Variants in MRTFA observed in about 807,000 individuals in gnomAD.
MRTFA encodes the protein myocardin related transcription factor A, also known as myocardin-related transcription factor A.
MRTFA carries 20 observed loss-of-function variants against 83.5 expected under a neutral mutation model. That is an observed-to-expected ratio of 0.24 (90% CI 0.17 to 0.35). The LOEUF (loss-of-function observed/expected upper bound fraction) is 0.35, where lower values mean the gene tolerates loss of function less well. Among genes scored for constraint, MRTFA ranks in the 10% least tolerant of loss-of-function variants. The pLI is 1.00. For missense variants in MRTFA, 1,200 were observed against 1,224.7 expected, an observed-to-expected ratio of 0.98 and a Z score of 0.30; for synonymous variants, 659 against 541.2, an observed-to-expected ratio of 1.22 and a Z score of -3.02.
intron 1 of MRTFA, among the ~76,000 whole-genome samples, chr22:40,619,383 C>G (rs2056492176): frequency 6.6e-6 from 1 of 152,128 alleles, no homozygotes; most frequent in Non-Finnish European, 1.5e-5. Context: ...AAATGAGGAA[C>G]ACGTTATTGG....
At chr22:40,500,674 G>A (rs1448773353) in intron 3 of MRTFA, among the ~76,000 whole-genome samples, 1 of 150,826 alleles carries the variant, frequency 6.6e-6, no homozygotes, top group South Asian at 2.1e-4. Context: ...ACCCTGAGTG[G>A]ACACAGCACA....
At chr22:40,635,242 C>G (rs2056682353) in intron 1 of MRTFA, among the ~76,000 whole-genome samples, 1 of 152,164 alleles carries the variant, frequency 6.6e-6, no homozygotes, top group African/African-American at 2.4e-5. Flanking sequence ...ACCTCACCCC[C>G]GGGAGATGAC....
intron 3 of MRTFA, among the ~76,000 whole-genome samples, chr22:40,494,135 T>C (rs911073331): frequency 6.6e-6 from 1 of 152,228 alleles, no homozygotes; most frequent in Non-Finnish European, 1.5e-5. Flanking sequence ...ACTACCAAAT[T>C]ATATTAAAGA....
chr22:40,466,880 T>G (rs1364629042), intron 3 of MRTFA, among the ~76,000 whole-genome samples: 2 of 152,172 alleles, frequency 1.3e-5, no homozygotes, highest in Non-Finnish European at 2.9e-5. Flanking sequence ...TTAATAAATT[T>G]GATTCAAGTT....
intron 14 of MRTFA, among the ~76,000 whole-genome samples, chr22:40,413,906 T>A (rs1457299018): frequency 6.6e-6 from 1 of 152,210 alleles, no homozygotes; most frequent in Admixed American, 6.5e-5. Context: ...TAGGATGGCT[T>A]GTATCAAAAA....
chr22:40,494,696 T>G (rs1007187807), intron 3 of MRTFA, among the ~76,000 whole-genome samples: 3 of 146,552 alleles, frequency 2.0e-5, no homozygotes, highest in Admixed American at 1.4e-4. Flanking sequence ...AAAAAAAAAA[T>G]TATGGTACAC....
At chr22:40,501,722 A>G (rs1390833722) in intron 3 of MRTFA, among the ~76,000 whole-genome samples, 1 of 38,338 alleles carries the variant, frequency 2.6e-5, no homozygotes, top group Non-Finnish European at 5.0e-5. Flanking sequence ...CTGGCCGGGC[A>G]GAGGGGCTCC....
At chr22:40,618,146 C>G (rs2056476953) in intron 1 of MRTFA, among the ~76,000 whole-genome samples, 1 of 151,556 alleles carries the variant, frequency 6.6e-6, no homozygotes, top group Admixed American at 6.6e-5. Context: ...ACAATCTCGG[C>G]TCACTGCAAG....
Position 40,420,974 on chromosome 22 carries a change from C to T in MRTFA, c.1054G>A (p.Ala352Thr), listed in dbSNP as rs774181016. 15 of 1,610,226 alleles carry T rather than the reference C, an allele frequency of 9.3e-6. No homozygotes were observed. In the Admixed American group the frequency reaches 2.3e-4, roughly 25 times the overall value. Residue 352 changes from alanine (A) to threonine (T), a missense_variant, in exon 10 of 15, where the codon GCA becomes ACA. Coordinates refer to ENST00000355630, the MANE Select transcript of MRTFA (RefSeq NM_020831.6). Reference sequence around the variant, plus strand: ...GCGTAGGATGAGTCCATGGGGGGTGCCCCCCTGTCCTGCTTCTGGTCCGGG... The same window carrying T: ...GCGTAGGATGAGTCCATGGGGGGTGTCCCCCTGTCCTGCTTCTGGTCCGGG...
chr22:40,422,567 G>A (rs1247836267), intron 9 of MRTFA, among the ~76,000 whole-genome samples: 1 of 152,226 alleles, frequency 6.6e-6, no homozygotes, highest in African/African-American at 2.4e-5. Context: ...GCCACTCACT[G>A]CTCCCAAGGC....
chr22:40,542,240 C>G (rs1365243269), intron 3 of MRTFA, among the ~76,000 whole-genome samples: 3 of 152,140 alleles, frequency 2.0e-5, no homozygotes, highest in Non-Finnish European at 4.4e-5. Context: ...CACGCTATTA[C>G]TTCTTTCATT....
intron 4 of MRTFA, among the ~76,000 whole-genome samples, chr22:40,457,512 GAAAA>G (rs2053617979): frequency 6.6e-6 from 1 of 151,490 alleles, no homozygotes; most frequent in Admixed American, 6.6e-5. Flanking sequence ...GAGAAAGAAA[GAAAA>G]AGAGAGAGAG....
intron 1 of MRTFA, among the ~76,000 whole-genome samples, chr22:40,624,139 A>T (rs1037367590): frequency 6.6e-6 from 1 of 152,082 alleles, no homozygotes; most frequent in African/African-American, 2.4e-5. Context: ...ATTTAAAAAG[A>T]TTGTCCAGGC....
At chr22:40,437,934 C>G (rs1167338379) in intron 4 of MRTFA, among the ~76,000 whole-genome samples, 3 of 152,166 alleles carry the variant, frequency 2.0e-5, no homozygotes, top group Non-Finnish European at 4.4e-5. Context: ...AGTATACCCT[C>G]AATAATTATT....
chr22:40,592,934 C>A (rs1167647922), intron 2 of MRTFA, among the ~76,000 whole-genome samples: 1 of 152,090 alleles, frequency 6.6e-6, no homozygotes, highest in Admixed American at 6.6e-5. Flanking sequence ...CCCAAAACAG[C>A]AGTACTGTAC....
intron 3 of MRTFA, among the ~76,000 whole-genome samples, chr22:40,471,041 T>C (rs191606753): frequency 9.9e-4 from 150 of 151,720 alleles, no homozygotes; most frequent in African/African-American, 3.4e-3. Flanking sequence ...GATAAACCTT[T>C]ACCTAGACTG....
chr22:40,480,031 C>T (rs2054060836), intron 3 of MRTFA, among the ~76,000 whole-genome samples: 1 of 152,060 alleles, frequency 6.6e-6, no homozygotes, highest in Non-Finnish European at 1.5e-5. Flanking sequence ...TGTGTAATAA[C>T]TTATAAAATG....
chr22:40,617,224 GGGCA>G (rs1660357717), intron 1 of MRTFA, among the ~76,000 whole-genome samples: 1 of 117,264 alleles, frequency 8.5e-6, no homozygotes, highest in African/African-American at 3.1e-5. Context: ...GAGGGAGGGC[GGGCA>G]GGGAGGCAGA....
intron 3 of MRTFA, among the ~76,000 whole-genome samples, chr22:40,471,805 G>A (rs2053920415): frequency 1.3e-5 from 2 of 152,134 alleles, no homozygotes; most frequent in African/African-American, 4.8e-5. Flanking sequence ...CTGGGAGGTC[G>A]AGGCTGTAGT....
Sources: gnomAD v4.1 joint callset for allele counts (sites outside exome capture counted in the v4.1 genomes callset) on GRCh38, gnomAD v4.1.1 for gene constraint, MANE v1.5 for transcripts, NCBI Gene and HGNC (gene_info 2026-07-23, HGNC 2026-07-21) for gene names.